Variants in CNTNAP2 observed in about 807,000 individuals in gnomAD.
The protein encoded by CNTNAP2 is contactin-associated protein-like 2.
A neutral mutation model predicts 155.2 loss-of-function variants in CNTNAP2; 98 were observed. That is an observed-to-expected ratio of 0.63 (90% CI 0.54 to 0.75). The LOEUF (loss-of-function observed/expected upper bound fraction) is 0.75, where lower values mean the gene tolerates loss of function less well. Ranked by LOEUF, CNTNAP2 falls within the 30% of genes least tolerant of loss-of-function variation. CNTNAP2 has a pLI of 0.00. For missense variants in CNTNAP2, 1,727 were observed against 1,688.1 expected, an observed-to-expected ratio of 1.02 and a Z score of -0.40; for synonymous variants, 651 against 631.2, an observed-to-expected ratio of 1.03 and a Z score of -0.47.
rs74354654 is a variant in CNTNAP2, at chr7:147,903,656, C to T, written c.2190C>T (p.Cys730=). The T allele has an allele frequency of 2.8e-4, 445 of 1,614,022 alleles. 2 individuals are homozygous for T. In the East Asian group the frequency reaches 5.7e-3, roughly 21 times the overall value. ...GSGPGIQKCA[C]GIERNCTDPK... ...GGCCTGGAATCCAGAAATGTGCCTG[C>T]GGCATCGAACGCAACTGCACAGATC... The change falls in exon 14 of 24, where the codon TGC becomes TGT. Residue 730 remains cysteine (C), a synonymous_variant. Coordinates refer to ENST00000361727, the MANE Select transcript of CNTNAP2 (RefSeq NM_014141.6).
At chr7:146,664,515 C>T (rs1365635073) in intron 1 of CNTNAP2, among the ~76,000 whole-genome samples, 1 of 152,050 alleles carries the variant, frequency 6.6e-6, no homozygotes, top group Non-Finnish European at 1.5e-5. Flanking sequence ...CAAAACTCCA[C>T]TTGGTATGAT....
chr7:147,895,433 A>C (rs1799761672), intron 13 of CNTNAP2, among the ~76,000 whole-genome samples: 1 of 152,176 alleles, frequency 6.6e-6, no homozygotes, highest in Non-Finnish European at 1.5e-5. Context: ...TATTTAATTC[A>C]TTTCATATTT....
chr7:147,688,928 C>T (rs1796051779), intron 13 of CNTNAP2, among the ~76,000 whole-genome samples: 1 of 152,086 alleles, frequency 6.6e-6, no homozygotes, highest in Admixed American at 6.6e-5. Context: ...AGAATACTAC[C>T]AAGGGGTCAC....
intron 1 of CNTNAP2, among the ~76,000 whole-genome samples, chr7:146,372,697 G>A (rs537272811): frequency 6.6e-6 from 1 of 152,230 alleles, no homozygotes; most frequent in Admixed American, 6.5e-5. Flanking sequence ...AGTGAGTGAA[G>A]GTTGGTAATT....
chr7:147,537,839 T>C (rs575082945), intron 11 of CNTNAP2, among the ~76,000 whole-genome samples: 1 of 152,320 alleles, frequency 6.6e-6, no homozygotes, highest in East Asian at 1.9e-4. Flanking sequence ...CTATGTAAAA[T>C]GTGCTGACAA....
intron 12 of CNTNAP2, among the ~76,000 whole-genome samples, chr7:147,573,767 C>T (rs1800339096): frequency 6.6e-6 from 1 of 152,172 alleles, no homozygotes; most frequent in South Asian, 2.1e-4. Context: ...TTCACCATGT[C>T]TGTGTTTATT....
chr7:146,675,935 C>A (rs1397594542), intron 1 of CNTNAP2, among the ~76,000 whole-genome samples: 1 of 152,132 alleles, frequency 6.6e-6, no homozygotes, highest in Non-Finnish European at 1.5e-5. Context: ...ATTTCTCTTG[C>A]ATACTAGGAA....
intron 13 of CNTNAP2, among the ~76,000 whole-genome samples, chr7:147,653,374 T>A (rs555213301): frequency 3.1e-4 from 47 of 152,236 alleles, no homozygotes; most frequent in Non-Finnish European, 5.7e-4. Context: ...GAGATCCTGT[T>A]AAAACGAGAA....
chr7:147,224,350 A>C (rs924977919), intron 8 of CNTNAP2, among the ~76,000 whole-genome samples: 10 of 152,200 alleles, frequency 6.6e-5, no homozygotes, highest in Admixed American at 6.5e-4. Flanking sequence ...ATTCTGACAT[A>C]TGAAAGCTAC....
chr7:147,501,666 G>A (rs1798815710), intron 11 of CNTNAP2, among the ~76,000 whole-genome samples: 1 of 152,220 alleles, frequency 6.6e-6, no homozygotes, highest in Non-Finnish European at 1.5e-5. Flanking sequence ...ATAGGGTAAT[G>A]TAAGTGTTCT....
At chr7:146,484,638 GAAAA>G in intron 1 of CNTNAP2, among the ~76,000 whole-genome samples, 1 of 152,020 alleles carries the variant, frequency 6.6e-6, no homozygotes, top group South Asian at 2.1e-4. Context: ...CAGAAAGAAA[GAAAA>G]GAAAGAAAGA....
intron 13 of CNTNAP2, among the ~76,000 whole-genome samples, chr7:147,889,726 C>T (rs11977877): frequency 0.045 from 6,876 of 152,124 alleles, 471 homozygotes; most frequent in African/African-American, 0.15. Context: ...ATTTTCTGTA[C>T]AATATGGTAG....
chr7:147,123,773 G>T (rs1801168292), intron 6 of CNTNAP2, among the ~76,000 whole-genome samples: 2 of 152,172 alleles, frequency 1.3e-5, no homozygotes, highest in South Asian at 4.1e-4. Context: ...AGGCATGGTG[G>T]CTCACGCCTG....
chr7:147,292,213 T>C (rs1363163879), intron 8 of CNTNAP2, among the ~76,000 whole-genome samples: 1 of 152,180 alleles, frequency 6.6e-6, no homozygotes, highest in East Asian at 1.9e-4. Flanking sequence ...TTTGTTTGAT[T>C]GTATAAAGTA....
intron 4 of CNTNAP2, among the ~76,000 whole-genome samples, chr7:147,080,290 C>T (rs939182276): frequency 3.3e-5 from 5 of 152,090 alleles, no homozygotes; most frequent in Admixed American, 6.6e-5. Flanking sequence ...AATTATCCAA[C>T]GTAAACATGT....
chr7:147,419,200 T>C (rs1281012593), intron 10 of CNTNAP2, among the ~76,000 whole-genome samples: 2 of 152,080 alleles, frequency 1.3e-5, no homozygotes, highest in Admixed American at 6.5e-5. Context: ...GGGAGGAGAA[T>C]CCAGGCCTTC....
At chr7:146,309,085 G>C (rs1800773594) in intron 1 of CNTNAP2, among the ~76,000 whole-genome samples, 1 of 152,128 alleles carries the variant, frequency 6.6e-6, no homozygotes, top group Admixed American at 6.5e-5. Flanking sequence ...GTGCAGGTGG[G>C]AGAACTAGAT....
At chr7:147,093,036 C>T (rs1248551885) in intron 4 of CNTNAP2, among the ~76,000 whole-genome samples, 2 of 150,456 alleles carry the variant, frequency 1.3e-5, no homozygotes, top group Non-Finnish European at 2.9e-5. Flanking sequence ...TCCTGGCTAA[C>T]ACGGTGAAAC....
chr7:148,144,549 G>A (rs541350122), intron 16 of CNTNAP2, among the ~76,000 whole-genome samples: 2 of 152,248 alleles, frequency 1.3e-5, no homozygotes, highest in East Asian at 3.9e-4. Flanking sequence ...TTAAACTATG[G>A]TTCTGCCAGC....
Sources: gnomAD v4.1 joint callset for allele counts (sites outside exome capture counted in the v4.1 genomes callset) on GRCh38, gnomAD v4.1.1 for gene constraint, MANE v1.5 for transcripts, NCBI Gene and HGNC (gene_info 2026-07-23, HGNC 2026-07-21) for gene names.